TECPR2: variants seen among roughly 807,000 people sequenced by gnomAD.
TECPR2 encodes tectonin beta-propeller repeat-containing protein 2.
A neutral mutation model predicts 138.1 loss-of-function variants in TECPR2; 65 were observed. That is an observed-to-expected ratio of 0.47 (90% confidence interval 0.39 to 0.58). The LOEUF is 0.58. Among genes scored for constraint, TECPR2 ranks in the 20% least tolerant of loss-of-function variants. The pLI is 0.00. For synonymous variants in TECPR2, 746 were observed against 749.8 expected, an observed-to-expected ratio of 0.99 and a Z score of 0.08; for missense variants, 1,553 against 1,824.5, an observed-to-expected ratio of 0.85 and a Z score of 2.71.
At chr14:102,369,576 C>T (rs1009825667) in intron 1 of TECPR2, among the ~76,000 whole-genome samples, 4 of 151,840 alleles carry the variant, frequency 2.6e-5, no homozygotes, top group Non-Finnish European at 4.4e-5. Context: ...AGGCACGCAC[C>T]ACCACACCTG....
rs573572751 is a variant in TECPR2 at position 102,434,691 on chromosome 14, A to T, written c.1874A>T (p.His625Leu). Residue 625 changes from histidine to leucine, a missense_variant, in exon 9 of 20, where the codon CAT becomes CTT. Transcript: ENST00000359520. Reference protein sequence around the residue: ...FQEQDSSPGAHDGEDIQPIGP... With the variant: ...FQEQDSSPGALDGEDIQPIGP... ...GAACAGGACAGCTCTCCTGGGGCGC[A>T]TGATGGGGAAGACATCCAACCCATT... The T allele has an allele frequency of 6.2e-7, 1 of 1,613,376 alleles. No individual in the cohort carries two copies. Among genetic ancestry groups the T allele is most frequent in the Non-Finnish European group, 8.5e-7 (1 of 1,179,670 alleles).
chr14:102,431,420 G>A lies in TECPR2; in HGVS notation c.1085-376G>A, dbSNP rs111983190. Reference sequence around the variant, plus strand: ...TGCAGTGGCGCAATCTCGGCTCACTGCAAGCTTTGCCTCCCAGGTTCACAC... The same window carrying A: ...TGCAGTGGCGCAATCTCGGCTCACTACAAGCTTTGCCTCCCAGGTTCACAC... On this transcript the variant is annotated intron_variant, in intron 7 of 19. Coordinates refer to ENST00000359520, the MANE Select transcript of TECPR2 (RefSeq NM_014844.5). Among the ~76,000 whole-genome samples the A allele has an allele frequency of 6.2e-5, 9 of 144,102 alleles. 2 individuals carry two copies. Among genetic ancestry groups the A allele is most frequent in the African/African-American group, 2.3e-4 (9 of 38,538 alleles). The allele number at this position is 144,102 out of a possible 152,430, so 94.5% of individuals were successfully genotyped here. A position where few individuals can be genotyped will look rare whatever the true frequency, so the allele number is the denominator to read the frequency against.
At chr14:102,369,676 T>C (rs1234618843) in intron 1 of TECPR2, among the ~76,000 whole-genome samples, 1 of 152,046 alleles carries the variant, frequency 6.6e-6, no homozygotes, top group Admixed American at 6.6e-5. Context: ...GTGCAGTGGC[T>C]CACGCCTGTA....
At chr14:102,456,351 T>C (rs1890276456) in intron 16 of TECPR2, among the ~76,000 whole-genome samples, 1 of 152,202 alleles carries the variant, frequency 6.6e-6, no homozygotes, top group Non-Finnish European at 1.5e-5. Flanking sequence ...TTGAGTTATC[T>C]GGTTGATCTT....
intron 1 of TECPR2, among the ~76,000 whole-genome samples, chr14:102,366,924 G>A (rs1179850333): frequency 1.3e-5 from 2 of 152,204 alleles, no homozygotes; most frequent in Non-Finnish European, 2.9e-5. Context: ...GGTCAGAGAA[G>A]GCCTTTCTGT....
At chr14:102,423,298 G>A (rs1889233168) in intron 5 of TECPR2, among the ~76,000 whole-genome samples, 2 of 152,006 alleles carry the variant, frequency 1.3e-5, no homozygotes, top group South Asian at 2.1e-4. Context: ...TGGGCATGGC[G>A]GTGCACACCT....
chr14:102,407,167 T>C (rs1431175008), intron 2 of TECPR2, among the ~76,000 whole-genome samples, 171 bp from the exon 3 acceptor site: 1 of 152,116 alleles, frequency 6.6e-6, no homozygotes, highest in Admixed American at 6.5e-5. Context: ...GCCCTGTTTT[T>C]GTTTTTGTTT....
chr14:102,418,588 C>A (rs1005101883), intron 5 of TECPR2, among the ~76,000 whole-genome samples: 1 of 150,226 alleles, frequency 6.7e-6, no homozygotes, highest in Admixed American at 6.6e-5. Flanking sequence ...TGTGGGGAGC[C>A]CCCTCCCGTC....
Position 102,457,669 on chromosome 14 carries a change from G to A in TECPR2, c.3640+5042G>A, listed in dbSNP as rs555404109. 5.9e-5 allele frequency among the ~76,000 whole-genome samples: 9 copies of A among 152,150 alleles called. No individual in the cohort carries two copies. The East Asian group carries it at 1.7e-3, about 29-fold the overall frequency. ...TAGCACTTTGGGAGGACTGCTTGAGGCCAGGAATTTAAAACCAACCTGGCC... is the reference window on the plus strand; with the variant it reads ...TAGCACTTTGGGAGGACTGCTTGAGACCAGGAATTTAAAACCAACCTGGCC... On this transcript the variant is annotated intron_variant, in intron 16 of 19. Coordinates refer to ENST00000359520, the MANE Select transcript of TECPR2 (RefSeq NM_014844.5).
chr14:102,425,334 A>G, intron 6 of TECPR2, 43 bp downstream of exon 6: 1 of 1,535,238 alleles, frequency 6.5e-7, no homozygotes, highest in Non-Finnish European at 8.8e-7. Flanking sequence ...TCTATAGGCA[A>G]GAGAATGTAT....
chr14:102,397,476 G>A (rs984096429), intron 2 of TECPR2, among the ~76,000 whole-genome samples: 2 of 152,224 alleles, frequency 1.3e-5, no homozygotes, highest in African/African-American at 2.4e-5. Context: ...GCTGGGGGCG[G>A]TAGCTCATGC....
chr14:102,480,868 A>T (rs1389735104), intron 17 of TECPR2, among the ~76,000 whole-genome samples: 8 of 51,854 alleles, frequency 1.5e-4, no homozygotes, highest in Admixed American at 9.9e-4. Flanking sequence ...TTTTTTTGAG[A>T]TGGAGTCTTG....
chr14:102,384,485 T>A (rs1023875341), intron 2 of TECPR2, among the ~76,000 whole-genome samples: 2 of 151,400 alleles, frequency 1.3e-5, no homozygotes, highest in Non-Finnish European at 2.9e-5. Flanking sequence ...GAGATCAGCC[T>A]GGACAACATG....
intron 7 of TECPR2, 148 bp downstream of exon 7, chr14:102,428,530 G>A: frequency 1.6e-6 from 2 of 1,250,340 alleles, no homozygotes; most frequent in Non-Finnish European, 2.2e-6. Context: ...GGAGGCTGAG[G>A]TGGGTGGATC....
At chr14:102,398,575 CT>C in intron 2 of TECPR2, among the ~76,000 whole-genome samples, 1 of 152,020 alleles carries the variant, frequency 6.6e-6, no homozygotes, top group East Asian at 1.9e-4. Context: ...ACCAAAGAAC[CT>C]TTGGGCTGGA....
chr14:102,383,905 T>C (rs940905150), intron 2 of TECPR2, among the ~76,000 whole-genome samples: 5 of 151,832 alleles, frequency 3.3e-5, no homozygotes, highest in African/African-American at 9.7e-5. Context: ...ACAGAATACC[T>C]AAGACTAGTA....
At position 102,429,221 on chromosome 14, in the gene TECPR2, G is replaced by T. The variant is rs191707758; in HGVS notation, c.1084+839G>T. Among the ~76,000 whole-genome samples, 23 of 152,272 alleles carry T rather than the reference G, an allele frequency of 1.5e-4. No homozygotes were observed. The East Asian group carries it at 4.4e-3, about 29-fold the overall frequency. On this transcript the variant is annotated intron_variant, in intron 7 of 19. Coordinates refer to ENST00000359520, the MANE Select transcript of TECPR2 (RefSeq NM_014844.5). The stretch of plus-strand genomic sequence containing the variant: ...CCTACTTTAAGGCTTACATCAGATA[G>T]TCTCACATTTAGTGGAGTTGCTTTC...
At chr14:102,397,519 G>T (rs1157794279) in intron 2 of TECPR2, among the ~76,000 whole-genome samples, 1 of 152,238 alleles carries the variant, frequency 6.6e-6, no homozygotes, top group African/African-American at 2.4e-5. Context: ...GGCCAAGGCA[G>T]GTGGATCACT....
chr14:102,403,398 T>C (rs1888550590), intron 2 of TECPR2, among the ~76,000 whole-genome samples: 1 of 152,194 alleles, frequency 6.6e-6, no homozygotes, highest in Non-Finnish European at 1.5e-5. Flanking sequence ...AAAAGCCATA[T>C]ATGAAAAACA....
Sources: gnomAD v4.1 joint callset for allele counts (sites outside exome capture counted in the v4.1 genomes callset) on GRCh38, gnomAD v4.1.1 for gene constraint, MANE v1.5 for transcripts, NCBI Gene and HGNC (gene_info 2026-07-23, HGNC 2026-07-21) for gene names.